NAP1L1: variants seen among roughly 807,000 people sequenced by gnomAD.
NAP1L1 encodes nucleosome assembly protein 1-like 1.
A neutral mutation model predicts 58.9 loss-of-function variants in NAP1L1; 9 were observed. The observed-to-expected ratio is 0.15, with a 90% CI of 0.09 to 0.27. The LOEUF (loss-of-function observed/expected upper bound fraction) is 0.27, where lower values mean the gene tolerates loss of function less well. Among genes scored for constraint, NAP1L1 ranks in the 10% least tolerant of loss-of-function variants. The probability of loss-of-function intolerance (pLI) is 1.00; values close to 1 mark genes in which losing one functional copy is unlikely to be tolerated. For missense variants in NAP1L1, 302 were observed against 458.8 expected (o/e 0.66, Z 3.12); for synonymous variants, 130 against 138.3 (o/e 0.94, Z 0.42).
In NAP1L1 at chr12:76,045,845, A is replaced by C. The variant is rs1242501218; in HGVS notation, c.*2584T>G. On this transcript the variant is annotated 3_prime_UTR_variant, in exon 15 of 15. Coordinates refer to ENST00000618691, the MANE Select transcript of NAP1L1 (RefSeq NM_004537.7). ...GATTATATGATATTTCACCATTTCT[A>C]ACAGGAAAAAATGAGACTTACTTGG... The C allele has an allele frequency of 6.6e-6, 1 of 152,040 alleles. No individual in the cohort carries two copies. The highest frequency in any genetic ancestry group is 1.5e-5 in the Non-Finnish European group (1 of 67,902). The allele number at this position is 152,040 out of a possible 1,614,324, so 9.4% of individuals were successfully genotyped here. A position where few individuals can be genotyped will look rare whatever the true frequency, so the allele number is the denominator to read the frequency against.
At position 76,049,813 on chromosome 12, in the gene NAP1L1, T is replaced by C. The variant is rs190620322; in HGVS notation, c.1060-28A>G. 1.8e-5 allele frequency: 29 copies of C among 1,611,386 alleles called. 1 individual carries two copies. The Admixed American group carries it at 3.0e-4, about 17-fold the overall frequency. ...GAAAAGGAAAAACAGCGTTAAGTGTTGAGTGAATGTAACACACATTTCAGA... is the reference window on the plus strand; with the variant it reads ...GAAAAGGAAAAACAGCGTTAAGTGTCGAGTGAATGTAACACACATTTCAGA... On this transcript the variant is annotated intron_variant, in intron 12 of 14. Transcript: ENST00000618691.
At chr12:76,058,623 T>G (rs938684145) in intron 6 of NAP1L1, among the ~76,000 whole-genome samples, 1 of 152,100 alleles carries the variant, frequency 6.6e-6, no homozygotes. Context: ...CCTGACCTAG[T>G]GATTGGCCCA....
chr12:76,069,274 C>T (rs766054162), intron 2 of NAP1L1, among the ~76,000 whole-genome samples: 7 of 152,158 alleles, frequency 4.6e-5, no homozygotes, highest in African/African-American at 9.7e-5. Flanking sequence ...TCAACAAGTA[C>T]GTGCATTCAA....
rs573682760 is a variant in NAP1L1, at chr12:76,078,781, A to G, written c.-20-4542T>C. 4.6e-5 allele frequency among the ~76,000 whole-genome samples: 7 copies of G among 152,336 alleles called. No individual in the cohort carries two copies. The South Asian group carries it at 1.0e-3, about 23-fold the overall frequency. On this transcript the variant is annotated intron_variant, in intron 1 of 14. Transcript: ENST00000618691. ...AAAATATGGCAGAGCCACAGAATCT[A>G]AAGGACTGAAAATACTGAAATGAAA...
intron 4 of NAP1L1, among the ~76,000 whole-genome samples, chr12:76,066,106 AAAT>A (rs1267335352): frequency 3.6e-5 from 2 of 55,098 alleles, no homozygotes; most frequent in Non-Finnish European, 3.3e-5. Context: ...CAAAATAAAT[AAAT>A]AAATAAATAA....
rs1288378075 is a variant in NAP1L1, at chr12:76,038,422, G to A, written c.*10007C>T. On this transcript the variant is annotated 3_prime_UTR_variant, in exon 15 of 15. Coordinates refer to ENST00000618691, the MANE Select transcript of NAP1L1 (RefSeq NM_004537.7). ...TCCATTGCCACAAAACACACAGCCT[G>A]AGGACATAGGCTGTTCAATTTGATC... is the stretch of plus-strand genomic sequence containing the variant. 1 of 152,106 alleles carries A rather than the reference G, an allele frequency of 6.6e-6. No homozygotes were observed. Among genetic ancestry groups the A allele is most frequent in the African/African-American group, 2.4e-5 (1 of 41,400 alleles). 9.4% of individuals were successfully genotyped at this position (152,106 alleles called of 1,614,324 possible). A position where few individuals can be genotyped will look rare whatever the true frequency, so the allele number is the denominator to read the frequency against.
Position 76,040,964 on chromosome 12 carries a change from T to C in NAP1L1, c.*7465A>G, listed in dbSNP as rs892836791. On this transcript the variant is annotated 3_prime_UTR_variant, in exon 15 of 15. Transcript: ENST00000618691. Reference sequence around the variant, plus strand: ...TGTGTTAAATGACTTATTGGTAAAGTTTCCACAGTAGGCTGTCAAGTTTTG... The same window carrying C: ...TGTGTTAAATGACTTATTGGTAAAGCTTCCACAGTAGGCTGTCAAGTTTTG... 3.3e-5 allele frequency: 5 copies of C among 152,228 alleles called. No individual in the cohort carries two copies. The highest frequency in any genetic ancestry group is 2.0e-4 in the Admixed American group (3 of 15,282). 9.4% of individuals were successfully genotyped at this position (152,228 alleles called of 1,614,324 possible).
At chr12:76,081,098 C>G (rs989507455) in intron 1 of NAP1L1, among the ~76,000 whole-genome samples, 40 of 151,754 alleles carry the variant, frequency 2.6e-4, no homozygotes, top group Admixed American at 2.0e-4. Flanking sequence ...AAATAAATTA[C>G]TCAGTTTCAG....
At position 76,071,367 on chromosome 12, in the gene NAP1L1, T is replaced by C. The variant is rs963136755; in HGVS notation, c.18-2373A>G. Among the ~76,000 whole-genome samples, 11 of 152,306 alleles carry C rather than the reference T, an allele frequency of 7.2e-5. No homozygotes were observed. The South Asian group carries it at 2.3e-3, about 32-fold the overall frequency. Reference sequence around the variant, plus strand: ...AGCTGTCACAACCAATTTACTCTTTTTAAAGTTTAAAATGAGAGTTGCAAA... The same window carrying C: ...AGCTGTCACAACCAATTTACTCTTTCTAAAGTTTAAAATGAGAGTTGCAAA... On this transcript the variant is annotated intron_variant, in intron 2 of 14. Coordinates refer to ENST00000618691, the MANE Select transcript of NAP1L1 (RefSeq NM_004537.7).
At chr12:76,067,127 A>C (rs1380906292) in intron 4 of NAP1L1, among the ~76,000 whole-genome samples, 1 of 152,104 alleles carries the variant, frequency 6.6e-6, no homozygotes, top group Non-Finnish European at 1.5e-5. Context: ...CCTCTAAACA[A>C]ATCTCTGAAA....
At chr12:76,074,080 A>G in intron 2 of NAP1L1, 123 bp downstream of exon 2, 2 of 828,212 alleles carry the variant, frequency 2.4e-6, no homozygotes, top group South Asian at 3.1e-5. Flanking sequence ...GACTTTTGTA[A>G]AAGTAGGTAC....
intron 2 of NAP1L1, among the ~76,000 whole-genome samples, chr12:76,070,683 TAC>T (rs1457539563): frequency 6.6e-6 from 1 of 152,116 alleles, no homozygotes; most frequent in Non-Finnish European, 1.5e-5. Flanking sequence ...CAGAGTTGAG[TAC>T]AGTCATCCCT....
intron 7 of NAP1L1, 40 bp from the exon 8 acceptor site, chr12:76,055,130 T>C (rs775893237): frequency 1.4e-6 from 2 of 1,409,668 alleles, no homozygotes; most frequent in Non-Finnish European, 2.0e-6. Flanking sequence ...TAACATGGCA[T>C]TCGAGGACTG....
chr12:76,057,252 T>C (rs1037234616), intron 6 of NAP1L1: 2 of 278,634 alleles, frequency 7.2e-6, no homozygotes, highest in Admixed American at 4.6e-5. Flanking sequence ...ATCATGCCAG[T>C]GTACTCCAGC....
At chr12:76,073,367 G>A (rs900027883) in intron 2 of NAP1L1, among the ~76,000 whole-genome samples, 1 of 152,062 alleles carries the variant, frequency 6.6e-6, no homozygotes, top group African/African-American at 2.4e-5. Context: ...CAAACACTGT[G>A]TACCTCATCC....
At chr12:76,079,024 C>T (rs1318717950) in intron 1 of NAP1L1, among the ~76,000 whole-genome samples, 1 of 151,536 alleles carries the variant, frequency 6.6e-6, no homozygotes, top group Non-Finnish European at 1.5e-5. Flanking sequence ...TATATTTATC[C>T]AGCTCCGGAT....
intron 2 of NAP1L1, among the ~76,000 whole-genome samples, chr12:76,070,948 T>C (rs1949926380): frequency 6.6e-6 from 1 of 152,144 alleles, no homozygotes; most frequent in Non-Finnish European, 1.5e-5. Context: ...GGCAAGAGGA[T>C]CACTGGAGGC....
intron 2 of NAP1L1, among the ~76,000 whole-genome samples, chr12:76,072,316 C>CT (rs1425550454): frequency 7.7e-6 from 1 of 129,728 alleles, no homozygotes; most frequent in Admixed American, 7.6e-5. Flanking sequence ...AAAAAAAAAA[C>CT]AAAAAAACAG....
In NAP1L1 at chr12:76,042,100, T is replaced by G. The variant is rs1018541911; in HGVS notation, c.*6329A>C. The G allele has an allele frequency of 6.6e-6, 1 of 152,180 alleles. No homozygotes were observed. Among genetic ancestry groups the G allele is most frequent in the Non-Finnish European group, 1.5e-5 (1 of 68,036 alleles). 9.4% of individuals were successfully genotyped at this position (152,180 alleles called of 1,614,324 possible). A position where few individuals can be genotyped will look rare whatever the true frequency, so the allele number is the denominator to read the frequency against. ...CATAAAATCTTCAAAACGAGGCATA[T>G]GTTTAATTTTATTATCCAGTCTTAG... On this transcript the variant is annotated 3_prime_UTR_variant, in exon 15 of 15. Transcript: ENST00000618691.
Sources: allele counts gnomAD v4.1 joint callset (sites outside exome capture counted in the v4.1 genomes callset), GRCh38; gene constraint gnomAD v4.1.1; transcripts MANE v1.5; gene names NCBI Gene and HGNC (gene_info 2026-07-23, HGNC 2026-07-21).